The following KHDRBS1 variants were observed in gnomAD, a reference collection of about 807,000 sequenced individuals.
KHDRBS1 encodes KH domain-containing, RNA-binding, signal transduction-associated protein 1.
In KHDRBS1, 7 loss-of-function variants were observed where a neutral mutation model predicts 48.4. The ratio of observed to expected loss-of-function variants is 0.14; its 90% CI spans 0.08 to 0.27. KHDRBS1 has a LOEUF of 0.27. Ranked by LOEUF, KHDRBS1 falls within the 10% of genes least tolerant of loss-of-function variation. KHDRBS1 has a pLI of 1.00. For synonymous variants in KHDRBS1, 241 were observed against 235.8 expected (o/e 1.02, Z -0.20); for missense variants, 458 against 601.2 (o/e 0.76, Z 2.49).
At position 32,031,637 on chromosome 1, in the gene KHDRBS1, C is replaced by T; in HGVS notation, c.621C>T (p.Ala207=). ...VLGKGSMRDK[A]KEEELRKGGD... Reference sequence around the variant, plus strand: ...GAAAGGGCTCAATGAGAGACAAAGCCAAGGTAAGCTCACATTAGTGAGGCA... The same window carrying T: ...GAAAGGGCTCAATGAGAGACAAAGCTAAGGTAAGCTCACATTAGTGAGGCA... The change falls in exon 3 of 9, where the codon GCC becomes GCT. Residue 207 remains alanine (A), a synonymous_variant. Transcript: ENST00000327300. The T allele has an allele frequency of 1.3e-6, 2 of 1,594,956 alleles. No homozygotes were observed. Among genetic ancestry groups the T allele is most frequent in the South Asian group, 2.2e-5 (2 of 89,224 alleles).
At chr1:32,039,784 C>T (rs1034180124) in intron 8 of KHDRBS1, among the ~76,000 whole-genome samples, 4 of 152,060 alleles carry the variant, frequency 2.6e-5, no homozygotes, top group South Asian at 2.1e-4. Flanking sequence ...GGTGGGGTAT[C>T]GTTACTCTTG....
chr1:32,055,345 G>C (rs1478906187), intron 10 of KHDRBS1, among the ~76,000 whole-genome samples: 3 of 152,124 alleles, frequency 2.0e-5, no homozygotes, highest in Non-Finnish European at 4.4e-5. Flanking sequence ...CTACTTGGGA[G>C]GCTGAGGCAG....
intron 1 of KHDRBS1, among the ~76,000 whole-genome samples, chr1:32,015,295 C>G (rs919066005): frequency 6.6e-6 from 1 of 152,176 alleles, no homozygotes; most frequent in African/African-American, 2.4e-5. Context: ...CCTAGTCGCT[C>G]TGATTTTTCC....
chr1:32,037,797 A>C (rs778046001), intron 5 of KHDRBS1, 38 bp from the exon 6 acceptor site: 2 of 1,601,520 alleles, frequency 1.2e-6, no homozygotes, highest in African/African-American at 2.7e-5. Flanking sequence ...TGGCCTGTTT[A>C]TAAAAAGCTC....
intron 3 of KHDRBS1, among the ~76,000 whole-genome samples, chr1:32,032,313 T>C (rs1424545528): frequency 6.6e-6 from 1 of 152,220 alleles, no homozygotes; most frequent in African/African-American, 2.4e-5. Flanking sequence ...AACCCTCCTT[T>C]TATGTAGTCT....
At chr1:32,047,112 A>G (rs1639366259), downstream of KHDRBS1, among the ~76,000 whole-genome samples, 2 of 152,314 alleles carry the variant, frequency 1.3e-5, no homozygotes, top group South Asian at 2.1e-4. Context: ...AGCTTCGCCC[A>G]TTGATCCAAG....
chr1:32,023,363 T>C (rs1056659551), intron 1 of KHDRBS1, among the ~76,000 whole-genome samples: 6 of 152,236 alleles, frequency 3.9e-5, no homozygotes, highest in Non-Finnish European at 5.9e-5. Context: ...GGACAAGTTA[T>C]ATAGCTTTTC....
intron 10 of KHDRBS1, among the ~76,000 whole-genome samples, chr1:32,053,478 A>ACTCCTGGTCTCAAGCTGTC (rs1553225112): frequency 1.3e-5 from 2 of 151,776 alleles, no homozygotes; most frequent in African/African-American, 4.8e-5. Context: ...GCAGCCTTGA[A>ACTCCTGGTCTCAAGCTGTC]CTCCTGGTCT....
rs1231847327 is a variant in KHDRBS1 at position 32,031,605 on chromosome 1, G to A, written c.589G>A (p.Val197Ile). 6.2e-7 allele frequency: 1 copy of A among 1,612,366 alleles called. No homozygotes were observed. The highest frequency in any genetic ancestry group is 8.5e-7 in the Non-Finnish European group (1 of 1,179,374). The change falls in exon 3 of 9, where the codon GTA becomes ATA. Residue 197 changes from valine to isoleucine, a missense_variant. Around this residue, in one of 3 missense-constraint regions of KHDRBS1, gnomAD observed 74 missense variants for 156.9 expected, o/e 0.47. Coordinates refer to ENST00000327300, the MANE Select transcript of KHDRBS1 (RefSeq NM_006559.3). ...LQEETGAKIS[V>I]LGKGSMRDKA... ...GGAAGAGACTGGTGCAAAGATCTCT[G>A]TATTGGGAAAGGGCTCAATGAGAGA...
chr1:32,034,570 T>C (rs1379984043), intron 4 of KHDRBS1, among the ~76,000 whole-genome samples: 4 of 151,810 alleles, frequency 2.6e-5, no homozygotes, highest in Non-Finnish European at 5.9e-5. Context: ...CCAAAAAAAA[T>C]AAATAAATAA....
intron 1 of KHDRBS1, among the ~76,000 whole-genome samples, chr1:32,018,852 C>G (rs148266461): frequency 0.011 from 1,628 of 152,292 alleles, 24 homozygotes; most frequent in African/African-American, 0.037. Context: ...AGTCGGATCA[C>G]TTGAGGTCAG....
downstream of KHDRBS1, chr1:32,044,006 G>A (rs1639327640): frequency 6.6e-6 from 1 of 152,066 alleles, no homozygotes; most frequent in African/African-American, 2.4e-5. Context: ...GTGGTGGGGG[G>A]GATTTTATTT....
chr1:32,043,788 A>G lies in KHDRBS1; in HGVS notation c.*1164A>G, dbSNP rs1639324702. 2 of 152,766 alleles carry G rather than the reference A, an allele frequency of 1.3e-5. No individual in the cohort carries two copies. Among genetic ancestry groups the G allele is most frequent in the Admixed American group, 1.3e-4 (2 of 15,294 alleles). 9.5% of individuals were successfully genotyped at this position (152,766 alleles called of 1,614,324 possible). A position where few individuals can be genotyped will look rare whatever the true frequency, so the allele number is the denominator to read the frequency against. ...TTGTTCTCGGAAGATTAAATGCTACATGTGTAAGTCTGCCTAAATAGGTAG... is the reference window on the plus strand; with the variant it reads ...TTGTTCTCGGAAGATTAAATGCTACGTGTGTAAGTCTGCCTAAATAGGTAG... On this transcript the variant is annotated 3_prime_UTR_variant, in exon 9 of 9. Transcript: ENST00000327300.
chr1:32,051,236 G>A (rs377476047), intron 10 of KHDRBS1, among the ~76,000 whole-genome samples: 41 of 152,234 alleles, frequency 2.7e-4, no homozygotes, highest in Middle Eastern at 3.4e-3. Flanking sequence ...CCATTGTCCC[G>A]GCACCATTTG....
chr1:32,035,689 T>C (rs1639164464), intron 4 of KHDRBS1, among the ~76,000 whole-genome samples: 1 of 152,236 alleles, frequency 6.6e-6, no homozygotes, highest in South Asian at 2.1e-4. Context: ...ATTTCACTTT[T>C]CTGAGCTTCA....
At chr1:32,031,895 C>T (rs1187836356) in intron 3 of KHDRBS1, among the ~76,000 whole-genome samples, 1 of 152,138 alleles carries the variant, frequency 6.6e-6, no homozygotes, top group Non-Finnish European at 1.5e-5. Context: ...ACAGCAGTAG[C>T]ATGTTGCGCA....
chr1:32,049,812 C>T (rs957883711), intron 10 of KHDRBS1, among the ~76,000 whole-genome samples: 9 of 151,988 alleles, frequency 5.9e-5, no homozygotes, highest in African/African-American at 2.2e-4. Flanking sequence ...TAGGCACGTG[C>T]CACCACACCC....
At chr1:32,048,466 C>T (rs1639381061), downstream of KHDRBS1, among the ~76,000 whole-genome samples, 1 of 152,186 alleles carries the variant, frequency 6.6e-6, no homozygotes, top group East Asian at 1.9e-4. Flanking sequence ...GCTATGATCA[C>T]AACACTGTAC....
intron 10 of KHDRBS1, chr1:32,052,290 G>C (rs1335549293): frequency 6.6e-6 from 1 of 151,702 alleles, no homozygotes; most frequent in African/African-American, 2.4e-5. Flanking sequence ...GACCCTAAGA[G>C]ACTGCTTATT....
Sources: gnomAD v4.1 joint callset for allele counts (sites outside exome capture counted in the v4.1 genomes callset) on GRCh38, gnomAD v4.1.1 for gene constraint, gnomAD v4.1.1 regional missense constraint, MANE v1.5 for transcripts, NCBI Gene and HGNC (gene_info 2026-07-23, HGNC 2026-07-21) for gene names.